Variants in ZBTB37 observed in about 807,000 individuals in gnomAD.
ZBTB37 encodes the protein zinc finger and BTB domain containing 37.
ZBTB37 carries 15 observed loss-of-function variants against 37.7 expected under a neutral mutation model. That is an observed-to-expected ratio of 0.40 (90% CI 0.27 to 0.61). The LOEUF (loss-of-function observed/expected upper bound fraction) is 0.61, where lower values mean the gene tolerates loss of function less well. Among genes scored for constraint, ZBTB37 ranks in the 20% least tolerant of loss-of-function variants. ZBTB37 has a pLI of 0.44. For missense variants in ZBTB37, 514 were observed against 641.9 expected (o/e 0.80, Z 2.15); for synonymous variants, 231 against 220.6 (o/e 1.05, Z -0.42).
chr1:173,893,619 CTG>C (rs1656936283), exon 4 of ZBTB37: 1 of 152,204 alleles, frequency 6.6e-6, no homozygotes, highest in South Asian at 2.1e-4. Flanking sequence ...ATCGTCATAA[CTG>C]TGGTTAAGAC....
At chr1:173,876,279 T>C (rs1355874609) in intron 4 of ZBTB37, among the ~76,000 whole-genome samples, 1 of 152,216 alleles carries the variant, frequency 6.6e-6, no homozygotes, top group African/African-American at 2.4e-5. Context: ...TGCATTACAC[T>C]GATAGTATCT....
intron 4 of ZBTB37, among the ~76,000 whole-genome samples, chr1:173,875,197 A>G (rs1655875359): frequency 6.6e-6 from 1 of 151,242 alleles, no homozygotes; most frequent in African/African-American, 2.4e-5. Flanking sequence ...TAGTATACAC[A>G]CACTATGTAT....
intron 4 of ZBTB37, among the ~76,000 whole-genome samples, chr1:173,875,269 G>T (rs1348747008): frequency 6.7e-6 from 1 of 149,604 alleles, no homozygotes; most frequent in African/African-American, 2.5e-5. Flanking sequence ...CACACACACA[G>T]TTATGAAGTT....
chr1:173,870,847 C>T (rs369329038), exon 3 of ZBTB37: 39 of 1,614,026 alleles, frequency 2.4e-5, no homozygotes, highest in Non-Finnish European at 2.9e-5. Flanking sequence ...TGTAGAGAGC[C>T]GGGAGCCCAT....
At chr1:173,878,331 A>C (rs1451202315) in intron 4 of ZBTB37, among the ~76,000 whole-genome samples, 1 of 152,264 alleles carries the variant, frequency 6.6e-6, no homozygotes, top group Non-Finnish European at 1.5e-5. Context: ...TTGAGAGCAG[A>C]GACCACATTT....
At chr1:173,899,930 C>T (rs182101182) in exon 4 of ZBTB37, 57 of 152,196 alleles carry the variant, frequency 3.7e-4, no homozygotes, top group African/African-American at 1.3e-3. Context: ...ACAAAGTACA[C>T]ATAAATAAGC....
chr1:173,883,322 T>C (rs1656438349), intron 4 of ZBTB37, among the ~76,000 whole-genome samples: 1 of 151,780 alleles, frequency 6.6e-6, no homozygotes, highest in Non-Finnish European at 1.5e-5. Context: ...CTACTGAAAA[T>C]ACAAAAAATT....
intron 4 of ZBTB37, among the ~76,000 whole-genome samples, chr1:173,874,180 G>A (rs1467752548): frequency 8.8e-5 from 13 of 147,930 alleles, no homozygotes; most frequent in African/African-American, 2.2e-4. Context: ...GCTTGAACCC[G>A]GGAGGCGGAG....
exon 4 of ZBTB37, chr1:173,895,047 G>A (rs775034051): frequency 5.9e-5 from 9 of 152,140 alleles, no homozygotes; most frequent in South Asian, 2.1e-4. Flanking sequence ...CTGAAGCCAC[G>A]GTAACTGCAT....
chr1:173,873,655 G>A (rs769689824), intron 4 of ZBTB37, 89 bp downstream of exon 4: 1 of 1,556,804 alleles, frequency 6.4e-7, no homozygotes, highest in Admixed American at 1.9e-5. Context: ...AAAAGATGTA[G>A]GAGAGGTAAC....
At chr1:173,884,445 A>AT (rs67296213) in intron 4 of ZBTB37, among the ~76,000 whole-genome samples, 11,048 of 152,146 alleles carry the variant, frequency 0.073, 1,300 homozygotes, top group African/African-American at 0.25. Flanking sequence ...GGCATAAGCC[A>AT]CCACATCTGG....
At position 173,870,936 on chromosome 1, in the gene ZBTB37, T is replaced by TA; in HGVS notation, c.712dup (p.Arg238LysfsTer11). 2 of 1,614,156 alleles carry TA rather than the reference T, an allele frequency of 1.2e-6. No homozygotes were observed. The highest frequency in any genetic ancestry group is 8.5e-7 in the Non-Finnish European group (1 of 1,180,030). ...GTGGGGGTCGGAGTGATGATGAAGT[T>TA]AGAGTTCTTGGAGCAGTACACATCA... is the stretch of plus-strand genomic sequence containing the variant. On this transcript the variant is annotated frameshift_variant, in exon 3 of 5. Coordinates refer to ENST00000427304, the Ensembl canonical transcript of ZBTB37. LOFTEE classifies it high-confidence loss of function.
At chr1:173,894,907 G>T (rs1426635688) in exon 4 of ZBTB37, 1 of 152,124 alleles carries the variant, frequency 6.6e-6, no homozygotes, top group African/African-American at 2.4e-5. Flanking sequence ...AAAGGAGCTA[G>T]AAGGAGAATG....
exon 4 of ZBTB37, chr1:173,897,384 C>A (rs953395682): frequency 3.3e-5 from 5 of 152,104 alleles, no homozygotes; most frequent in African/African-American, 1.2e-4. Context: ...TGCAGCTTTT[C>A]TTTAGAGAAA....
exon 3 of ZBTB37, chr1:173,870,642 T>G (rs1315017898): frequency 6.2e-7 from 1 of 1,613,982 alleles, no homozygotes; most frequent in Non-Finnish European, 8.5e-7. Context: ...CAGAATTAAG[T>G]CAAACAAGGA....
At chr1:173,881,003 G>C (rs1386653451) in intron 4 of ZBTB37, among the ~76,000 whole-genome samples, 1 of 150,124 alleles carries the variant, frequency 6.7e-6, no homozygotes, top group South Asian at 2.1e-4. Context: ...TGTGCACAAC[G>C]TGCAGGTTTG....
intron 4 of ZBTB37, among the ~76,000 whole-genome samples, chr1:173,884,832 C>A (rs988368115): frequency 6.6e-6 from 1 of 152,146 alleles, no homozygotes; most frequent in Non-Finnish European, 1.5e-5. Context: ...ACTGAAAGCA[C>A]TTAAAATTGT....
chr1:173,895,373 G>C (rs1477560300), exon 4 of ZBTB37: 2 of 152,186 alleles, frequency 1.3e-5, no homozygotes. Flanking sequence ...GAAGTGCTGG[G>C]ATTACAGGCA....
At chr1:173,871,804 C>T (rs1044109975) in intron 3 of ZBTB37, among the ~76,000 whole-genome samples, 2 of 152,070 alleles carry the variant, frequency 1.3e-5, no homozygotes, top group Non-Finnish European at 2.9e-5. Context: ...CCTCACTTTT[C>T]TCTTTTAATA....
Sources: gnomAD v4.1 joint callset for allele counts (sites outside exome capture counted in the v4.1 genomes callset) on GRCh38, gnomAD v4.1.1 for gene constraint, MANE v1.5 for transcripts, NCBI Gene and HGNC (gene_info 2026-07-23, HGNC 2026-07-21) for gene names.